ATP6V0A4: variants seen among roughly 807,000 people sequenced by gnomAD.
ATP6V0A4 encodes ATPase H+ transporting V0 subunit a4.
ATP6V0A4 carries 86 observed loss-of-function variants against 107.3 expected under a neutral mutation model. The ratio of observed to expected loss-of-function variants is 0.80; its 90% confidence interval spans 0.67 to 0.96. ATP6V0A4 has a LOEUF of 0.96. Ranked by LOEUF, ATP6V0A4 falls within the 40% of genes least tolerant of loss-of-function variation. The pLI, the probability that ATP6V0A4 is intolerant of heterozygous loss-of-function variation, is 0.00. For missense variants in ATP6V0A4, 908 were observed against 1,045.6 expected (o/e 0.87, Z 1.81); for synonymous variants, 353 against 381.4 (o/e 0.93, Z 0.87).
At chr7:138,747,169 G>GA (rs1052479870) in intron 13 of ATP6V0A4, among the ~76,000 whole-genome samples, 3 of 151,672 alleles carry the variant, frequency 2.0e-5, no homozygotes, top group Admixed American at 6.6e-5. Flanking sequence ...ATCAGAGTTA[G>GA]AAAAAATATA....
rs569513078 is a variant in ATP6V0A4, at chr7:138,756,569, A to G, written c.640-29T>C. ...GAAAATCAGAATAAGTTAAAAAAAA[A>G]GGGGGGGGTTTCTTTCTGGTTAAAA... On this transcript the variant is annotated intron_variant, in intron 8 of 21. Transcript: ENST00000310018. The G allele has an allele frequency of 1.7e-3, 2,751 of 1,583,582 alleles. 8 individuals are homozygous for G. Among genetic ancestry groups the G allele is most frequent in the South Asian group, 3.8e-3 (346 of 90,592 alleles).
At chr7:138,774,639 T>TTATATATTATATAC (rs756968626) in intron 2 of ATP6V0A4, among the ~76,000 whole-genome samples, 10 of 137,618 alleles carry the variant, frequency 7.3e-5, no homozygotes, top group East Asian at 6.1e-4. Context: ...ACATTATATA[T>TTATATATTATATAC]ATTATATACA....
Position 138,755,712 on chromosome 7 carries a change from C to T in ATP6V0A4, c.793G>A (p.Val265Met). Residue 265 changes from valine (V) to methionine (M), a missense_variant, in exon 10 of 22, where the codon GTG (valine) becomes ATG (methionine). By Grantham distance (21) the Val-to-Met change is conservative. Transcript: ENST00000310018. ...ERREMLESVN[V>M]RLEDLITVIT... The stretch of plus-strand genomic sequence containing the variant: ...ACGGTGATTAAATCTTCCAGCCTCA[C>T]ATTGACGCTCTCCAACATCTCTCTG... 6.2e-7 allele frequency: 1 copy of T among 1,613,950 alleles called. No homozygotes were observed. Among genetic ancestry groups the T allele is most frequent in the Non-Finnish European group, 8.5e-7 (1 of 1,180,036 alleles).
At chr7:138,746,779 C>G (rs994105323) in intron 13 of ATP6V0A4, among the ~76,000 whole-genome samples, 2 of 152,138 alleles carry the variant, frequency 1.3e-5, no homozygotes, top group Non-Finnish European at 2.9e-5. Context: ...GGTGGGGTTA[C>G]AGGTGTGAGC....
At chr7:138,737,779 G>A (rs76632181) in intron 15 of ATP6V0A4, among the ~76,000 whole-genome samples, 6 of 67,090 alleles carry the variant, frequency 8.9e-5, no homozygotes, top group African/African-American at 3.4e-4. Context: ...TTTTTTTTTT[G>A]AGATGGGCTC....
At chr7:138,743,242 C>T (rs1805726395) in intron 14 of ATP6V0A4, among the ~76,000 whole-genome samples, 1 of 151,768 alleles carries the variant, frequency 6.6e-6, no homozygotes, top group Non-Finnish European at 1.5e-5. Flanking sequence ...TGGATCAATT[C>T]AGGCCAGGAG....
Position 138,706,470 on chromosome 7 carries a change from T to G in ATP6V0A4, c.*154A>C. 1 of 936,716 alleles carries G rather than the reference T, an allele frequency of 1.1e-6. No individual in the cohort carries two copies. Among genetic ancestry groups the G allele is most frequent in the Non-Finnish European group, 1.6e-6 (1 of 608,366 alleles). 58.0% of individuals were successfully genotyped at this position (936,716 alleles called of 1,614,324 possible). A position where few individuals can be genotyped will look rare whatever the true frequency, so the allele number is the denominator to read the frequency against. ...TCTGACGTGGTTAAGTCGTATCAAA[T>G]CCACAGGCTGACGTCCAAATAATAC... On this transcript the variant is annotated 3_prime_UTR_variant, in exon 22 of 22. Transcript: ENST00000310018.
At chr7:138,761,249 T>C (rs777564723) in intron 7 of ATP6V0A4, among the ~76,000 whole-genome samples, 4 of 152,120 alleles carry the variant, frequency 2.6e-5, no homozygotes, top group Non-Finnish European at 5.9e-5. Flanking sequence ...GGAAGATCAC[T>C]TGAGCCTGAG....
chr7:138,738,839 G>A (rs1341345186), intron 15 of ATP6V0A4, among the ~76,000 whole-genome samples: 7 of 152,110 alleles, frequency 4.6e-5, no homozygotes, highest in Non-Finnish European at 1.0e-4. Context: ...AAAGAGCTTA[G>A]AAGAAACATG....
At chr7:138,728,951 C>A in intron 17 of ATP6V0A4, 89 bp from the exon 18 acceptor site, 1 of 1,606,176 alleles carries the variant, frequency 6.2e-7, no homozygotes, top group South Asian at 1.1e-5. Context: ...TGGGCCACTT[C>A]ACTAGCACTT....
At chr7:138,797,833 T>G in intron 1 of ATP6V0A4, 1 of 581,654 alleles carries the variant, frequency 1.7e-6, no homozygotes, top group Non-Finnish European at 3.0e-6. Flanking sequence ...GGACAATATT[T>G]GCGCTCAGGG....
At chr7:138,728,971 A>T (rs1440485986) in intron 17 of ATP6V0A4, 109 bp from the exon 18 acceptor site, 2 of 1,589,400 alleles carry the variant, frequency 1.3e-6, no homozygotes, top group East Asian at 2.3e-5. Flanking sequence ...TTATTTTGAG[A>T]GATCTAAAGC....
chr7:138,772,146 C>T (rs1026779373), intron 2 of ATP6V0A4, among the ~76,000 whole-genome samples: 7 of 152,098 alleles, frequency 4.6e-5, no homozygotes, highest in African/African-American at 9.7e-5. Flanking sequence ...CCAACGTTAA[C>T]GTGTAAATTC....
At chr7:138,781,841 CTCT>C (rs1292818253) in intron 2 of ATP6V0A4, among the ~76,000 whole-genome samples, 1 of 41,576 alleles carries the variant, frequency 2.4e-5, no homozygotes, top group African/African-American at 9.2e-5. Context: ...GTCTCTCTCT[CTCT>C]TTTTTTTTTT....
At chr7:138,722,770 AG>A (rs1242616160) in intron 18 of ATP6V0A4, among the ~76,000 whole-genome samples, 1 of 143,774 alleles carries the variant, frequency 7.0e-6, no homozygotes, top group Non-Finnish European at 1.5e-5. Context: ...AAAAAAAAAA[AG>A]TTAAAGGCCA....
In ATP6V0A4 at chr7:138,708,011, GTTTTA is replaced by G. The variant is rs1226084122; in HGVS notation, c.2430-1299_2430-1295del. On this transcript the variant is annotated intron_variant, in intron 21 of 21. Coordinates refer to ENST00000310018, the MANE Select transcript of ATP6V0A4 (RefSeq NM_020632.3). Reference sequence around the variant, plus strand: ...ACTGATACCATGTCGGATGATTTATGTTTTATTTTATTTATTTATTTATTTATTTA... The same window carrying G: ...ACTGATACCATGTCGGATGATTTATGTTTTATTTATTTATTTATTTATTTA... Among the ~76,000 whole-genome samples the G allele has an allele frequency of 2.0e-3, 290 of 146,418 alleles. 1 individual carries two copies. Among genetic ancestry groups the G allele is most frequent in the African/African-American group, 6.3e-3 (250 of 39,570 alleles).
At chr7:138,721,396 G>A (rs529202054) in intron 19 of ATP6V0A4, among the ~76,000 whole-genome samples, 33 of 152,156 alleles carry the variant, frequency 2.2e-4, no homozygotes, top group African/African-American at 5.8e-4. Context: ...AAAATTAACC[G>A]GGTGCAGTGG....
chr7:138,787,365 A>G (rs1472630409), intron 1 of ATP6V0A4, among the ~76,000 whole-genome samples: 1 of 152,204 alleles, frequency 6.6e-6, no homozygotes, highest in Non-Finnish European at 1.5e-5. Context: ...AGAAAGTCGC[A>G]TCGACACCAA....
At chr7:138,765,353 C>T (rs4732330) in intron 5 of ATP6V0A4, among the ~76,000 whole-genome samples, 44,896 of 152,008 alleles carry the variant, frequency 0.3, 7,161 homozygotes, top group East Asian at 0.55. Context: ...ATTTCCCAAT[C>T]ATTTCCTCTA....
Sources: gnomAD v4.1 joint callset for allele counts (sites outside exome capture counted in the v4.1 genomes callset) on GRCh38, gnomAD v4.1.1 for gene constraint, MANE v1.5 for transcripts, NCBI Gene and HGNC (gene_info 2026-07-23, HGNC 2026-07-21) for gene names.